SGPP1: variants seen among roughly 807,000 people sequenced by gnomAD.
SGPP1 encodes the protein hSPP1.
Under a neutral mutation model 33.0 loss-of-function variants are expected in SGPP1, and 21 were observed. The observed-to-expected ratio is 0.64, with a 90% CI of 0.45 to 0.92. The LOEUF (loss-of-function observed/expected upper bound fraction) is 0.92, where lower values mean the gene tolerates loss of function less well. Among genes scored for constraint, SGPP1 ranks in the 40% least tolerant of loss-of-function variants. The pLI, the probability that SGPP1 is intolerant of heterozygous loss-of-function variation, is 0.00. For synonymous variants in SGPP1, 239 were observed against 241.2 expected (o/e 0.99, Z 0.08); for missense variants, 543 against 589.4 (o/e 0.92, Z 0.81).
At chr14:63,710,760 G>A (rs1031881705) in intron 1 of SGPP1, among the ~76,000 whole-genome samples, 2 of 152,114 alleles carry the variant, frequency 1.3e-5, no homozygotes, top group Admixed American at 6.5e-5. Context: ...CCTAAGGGAC[G>A]AGATCATGTA....
At chr14:63,707,033 T>C (rs2139643562) in intron 1 of SGPP1, among the ~76,000 whole-genome samples, 1 of 124,484 alleles carries the variant, frequency 8.0e-6, no homozygotes, top group Admixed American at 8.3e-5. Flanking sequence ...AGAGTGAGAC[T>C]CTGTCCCAAA....
intron 1 of SGPP1, among the ~76,000 whole-genome samples, chr14:63,714,903 AT>A (rs1364047749): frequency 6.7e-6 from 1 of 149,154 alleles, no homozygotes; most frequent in African/African-American, 2.5e-5. Context: ...AACTTTCTAT[AT>A]TTTTTATAGT....
intron 1 of SGPP1, among the ~76,000 whole-genome samples, chr14:63,717,085 T>A (rs890870292): frequency 3.9e-5 from 6 of 152,120 alleles, no homozygotes; most frequent in African/African-American, 1.4e-4. Flanking sequence ...AAGACCCAAA[T>A]GCAATTTCTA....
chr14:63,705,589 G>A (rs1439301804), intron 1 of SGPP1, among the ~76,000 whole-genome samples: 1 of 151,872 alleles, frequency 6.6e-6, no homozygotes, highest in Non-Finnish European at 1.5e-5. Flanking sequence ...GATCACTTGA[G>A]CCTGGGAGGT....
At chr14:63,698,822 G>A (rs1885242193) in intron 1 of SGPP1, among the ~76,000 whole-genome samples, 164 bp from the exon 2 acceptor site, 1 of 152,156 alleles carries the variant, frequency 6.6e-6, no homozygotes, top group Non-Finnish European at 1.5e-5. Flanking sequence ...ATGGCACATG[G>A]CAGACATTCA....
chr14:63,716,555 T>C (rs147389849), intron 1 of SGPP1, among the ~76,000 whole-genome samples: 1 of 151,978 alleles, frequency 6.6e-6, no homozygotes, highest in East Asian at 1.9e-4. Flanking sequence ...TAGCCAGGCA[T>C]GGTGGCACAC....
intron 1 of SGPP1, among the ~76,000 whole-genome samples, chr14:63,711,329 C>G (rs1378275314): frequency 6.6e-6 from 1 of 152,044 alleles, no homozygotes. Flanking sequence ...AGATTGTTTT[C>G]TAGGGATTTA....
intron 2 of SGPP1, among the ~76,000 whole-genome samples, chr14:63,695,960 T>C (rs77751642): frequency 4.0e-5 from 6 of 151,786 alleles, no homozygotes; most frequent in African/African-American, 4.8e-5. Flanking sequence ...TCCTGGATAT[T>C]TGACTAACCC....
At chr14:63,695,705 G>A (rs983731570) in intron 2 of SGPP1, among the ~76,000 whole-genome samples, 3 of 152,120 alleles carry the variant, frequency 2.0e-5, no homozygotes, top group Admixed American at 2.0e-4. Context: ...TGAACCAGGA[G>A]TTTGATATCA....
intron 2 of SGPP1, among the ~76,000 whole-genome samples, chr14:63,691,917 G>T (rs952939392): frequency 6.6e-6 from 1 of 151,306 alleles, no homozygotes; most frequent in Non-Finnish European, 1.5e-5. Context: ...GACAGTTAAG[G>T]TAATTCTTTA....
rs566813551 is a variant in SGPP1, at chr14:63,698,574, T to G, written c.769A>C (p.Ile257Leu). 2 of 1,538,524 alleles carry G rather than the reference T, an allele frequency of 1.3e-6. No individual in the cohort carries two copies. Among genetic ancestry groups the G allele is most frequent in the Non-Finnish European group, 1.8e-6 (2 of 1,123,884 alleles). Residue 257 changes from isoleucine (I) to leucine (L), a missense_variant, in exon 2 of 3, where the codon ATT becomes CTT. Coordinates refer to ENST00000247225, the MANE Select transcript of SGPP1 (RefSeq NM_030791.4). The part of the protein sequence containing the change: ...LSRIYMGMHS[I>L]LDIIAGFLYT... The stretch of plus-strand genomic sequence containing the variant: ...GAAGACAACATTTTCCTTACCAGAA[T>G]AGAGTGCATTCCCATGTAAATTCTA...
chr14:63,701,095 C>G (rs1280228359), intron 1 of SGPP1, among the ~76,000 whole-genome samples: 2 of 152,082 alleles, frequency 1.3e-5, no homozygotes, highest in African/African-American at 4.8e-5. Context: ...ACCCTCCTAC[C>G]TCAGCCTCCA....
chr14:63,727,156 G>A, intron 1 of SGPP1, 105 bp downstream of exon 1: 1 of 1,444,186 alleles, frequency 6.9e-7, no homozygotes, highest in Non-Finnish European at 9.1e-7. Flanking sequence ...TGTGGAAAGA[G>A]AGGCTTTGGA....
rs778550479 is a variant in SGPP1 at position 63,727,507 on chromosome 14, C to G, written c.438G>C (p.Leu146=). The G allele has an allele frequency of 1.9e-6, 3 of 1,614,154 alleles. No homozygotes were observed. The highest frequency in any genetic ancestry group is 2.5e-6 in the Non-Finnish European group (3 of 1,180,026). Residue 146 remains leucine (L), a synonymous_variant, in exon 1 of 3, where the codon CTG becomes CTC. Transcript: ENST00000247225. The part of the protein sequence containing the change: ...TELGNELFYI[L]FFPFWIWNLD... Reference sequence around the variant, plus strand: ...GGTTCCAGATCCAGAAGGGGAAGAACAGGATGTAGAAGAGTTCGTTGCCCA... The same window carrying G: ...GGTTCCAGATCCAGAAGGGGAAGAAGAGGATGTAGAAGAGTTCGTTGCCCA...
chr14:63,686,423 A>C lies in SGPP1; in HGVS notation c.1008T>G (p.Thr336=). 6.2e-7 allele frequency: 1 copy of C among 1,613,914 alleles called. No homozygotes were observed. Among genetic ancestry groups the C allele is most frequent in the Non-Finnish European group, 8.5e-7 (1 of 1,179,772 alleles). ...GAGIACGSHV[T]YNMGLVLDPS... ...GATCTAATACTAGACCCATGTTATA[A>C]GTAACATGAGATCCACATGCAATTC... is the stretch of plus-strand genomic sequence containing the variant. Residue 336 remains threonine, a synonymous_variant, in exon 3 of 3, where the codon ACT becomes ACG. Coordinates refer to ENST00000247225, the MANE Select transcript of SGPP1 (RefSeq NM_030791.4).
At chr14:63,700,636 A>T (rs1885277478) in intron 1 of SGPP1, among the ~76,000 whole-genome samples, 1 of 152,216 alleles carries the variant, frequency 6.6e-6, no homozygotes, top group African/African-American at 2.4e-5. Flanking sequence ...TATAAGTTAT[A>T]TAAAATATAT....
intron 2 of SGPP1, 22 bp from the exon 3 acceptor site, chr14:63,686,678 G>C (rs372750221): frequency 2.0e-6 from 3 of 1,518,906 alleles, no homozygotes; most frequent in Non-Finnish European, 2.7e-6. Flanking sequence ...TAAAAGTATC[G>C]TTGTTTAGTA....
chr14:63,716,884 G>A (rs1007777185), intron 1 of SGPP1, among the ~76,000 whole-genome samples: 1 of 151,998 alleles, frequency 6.6e-6, no homozygotes, highest in Non-Finnish European at 1.5e-5. Flanking sequence ...GTAGAGAGGA[G>A]GTTTCTGCAT....
In SGPP1 at chr14:63,685,373, A is replaced by G. The variant is rs1884948496; in HGVS notation, c.*732T>C. 6.6e-6 allele frequency: 1 copy of G among 152,532 alleles called. No homozygotes were observed. Among genetic ancestry groups the G allele is most frequent in the Non-Finnish European group, 1.5e-5 (1 of 67,938 alleles). The allele number at this position is 152,532 out of a possible 1,614,324, so 9.4% of individuals were successfully genotyped here. A position where few individuals can be genotyped will look rare whatever the true frequency, so the allele number is the denominator to read the frequency against. ...AACGGAAAGGCACAATTAGCAAGCAATAAAATTCAGTACCTGAATTATTAA... is the reference window on the plus strand; with the variant it reads ...AACGGAAAGGCACAATTAGCAAGCAGTAAAATTCAGTACCTGAATTATTAA... On this transcript the variant is annotated 3_prime_UTR_variant, in exon 3 of 3. Transcript: ENST00000247225.
Sources: gnomAD v4.1 joint callset for allele counts (sites outside exome capture counted in the v4.1 genomes callset) on GRCh38, gnomAD v4.1.1 for gene constraint, MANE v1.5 for transcripts, NCBI Gene and HGNC (gene_info 2026-07-23, HGNC 2026-07-21) for gene names.